Variants in CIROZ observed in about 807,000 individuals in gnomAD.
CIROZ encodes ciliated left-right organizer ZP-N domains-containing protein.
chr1:10,957,654 C>T, the CIROZ span: 29 of 1,614,054 alleles, frequency 1.8e-5, no homozygotes, highest in African/African-American at 2.7e-5. Context: ...GGGCTTTGGA[C>T]GGTGACAGTG....
chr1:10,982,055 C>T, the CIROZ span: 3 of 1,537,222 alleles, frequency 2.0e-6, no homozygotes, highest in South Asian at 1.2e-5. Flanking sequence ...CCCAGCAGCT[C>T]TCTCCTGCCC....
At chr1:10,953,426 C>T in the CIROZ span, among the ~76,000 whole-genome samples, 1 of 152,150 alleles carries the variant, frequency 6.6e-6, no homozygotes, top group Non-Finnish European at 1.5e-5. Context: ...CCAAAAACCC[C>T]ATCCCAGCAT....
At chr1:10,949,753 G>A in the CIROZ span, 1 of 1,584,602 alleles carries the variant, frequency 6.3e-7, no homozygotes, top group African/African-American at 1.3e-5. Flanking sequence ...CTGGTCCTGG[G>A]GATGGTGGGG....
At chr1:10,952,779 T>C in the CIROZ span, among the ~76,000 whole-genome samples, 22 of 152,244 alleles carry the variant, frequency 1.4e-4, no homozygotes, top group African/African-American at 5.3e-4. Flanking sequence ...CCCAAAGTGC[T>C]GGGATTATAG....
the CIROZ span, among the ~76,000 whole-genome samples, chr1:10,947,365 A>T: frequency 5.9e-5 from 9 of 152,206 alleles, no homozygotes; most frequent in Non-Finnish European, 1.3e-4. Context: ...GGGGAGGTCC[A>T]TGCAGGCAGA....
At chr1:10,948,671 C>T in the CIROZ span, 1 of 1,610,052 alleles carries the variant, frequency 6.2e-7, no homozygotes, top group Non-Finnish European at 8.5e-7. Context: ...CCTGGACACC[C>T]TCTACAGGCT....
chr1:10,952,238 G>T, the CIROZ span, among the ~76,000 whole-genome samples: 1 of 152,152 alleles, frequency 6.6e-6, no homozygotes, highest in Non-Finnish European at 1.5e-5. Flanking sequence ...TGCAGGGGAG[G>T]TGTGCTGGGA....
chr1:10,968,624 C>T, the CIROZ span, among the ~76,000 whole-genome samples: 28 of 152,172 alleles, frequency 1.8e-4, no homozygotes, highest in African/African-American at 6.5e-4. Context: ...ATTTGCCTGG[C>T]ACCCTGCTGC....
the CIROZ span, chr1:10,949,601 A>C: frequency 6.3e-7 from 1 of 1,586,918 alleles, no homozygotes; most frequent in African/African-American, 1.3e-5. Context: ...AACCATGGGC[A>C]GAGGATGCAG....
the CIROZ span, chr1:10,947,541 G>A: frequency 1.2e-6 from 1 of 831,804 alleles, no homozygotes; most frequent in Admixed American, 3.3e-5. Context: ...AGAGCACCGG[G>A]GCTTCCCTGG....
At chr1:10,976,933 G>C in the CIROZ span, among the ~76,000 whole-genome samples, 2 of 152,266 alleles carry the variant, frequency 1.3e-5, no homozygotes, top group Non-Finnish European at 2.9e-5. Context: ...AGGCAGCGGG[G>C]GATGGCTTGA....
At chr1:10,949,554 C>G in the CIROZ span, 1 of 1,531,290 alleles carries the variant, frequency 6.5e-7, no homozygotes, top group African/African-American at 1.4e-5. Flanking sequence ...CCAGCTGGGT[C>G]TACCGATACT....
chr1:10,966,437 C>T, the CIROZ span: 3 of 1,536,624 alleles, frequency 2.0e-6, no homozygotes, highest in South Asian at 1.2e-5. Flanking sequence ...GAAGTAGCCA[C>T]ATTTAGCAAG....
the CIROZ span, chr1:10,957,801 G>A: frequency 6.4e-7 from 1 of 1,574,648 alleles, no homozygotes; most frequent in East Asian, 2.3e-5. Flanking sequence ...GGGAGGCACG[G>A]TCACTAGGGG....
chr1:10,965,456 G>A, the CIROZ span, among the ~76,000 whole-genome samples: 21 of 152,318 alleles, frequency 1.4e-4, 2 homozygotes, highest in East Asian at 2.3e-3. Flanking sequence ...TGGCACAGTG[G>A]CTCATTCCTA....
At chr1:10,948,358 T>C in the CIROZ span, 4 of 1,613,548 alleles carry the variant, frequency 2.5e-6, no homozygotes, top group Non-Finnish European at 3.4e-6. Context: ...CGCCAGGGCC[T>C]CGCCAATGGC....
chr1:10,963,539 T>C, the CIROZ span, among the ~76,000 whole-genome samples: 1 of 151,688 alleles, frequency 6.6e-6, no homozygotes. Flanking sequence ...CCCTCCCCAC[T>C]CCCATCCAAA....
chr1:10,975,407 G>GAA, the CIROZ span, among the ~76,000 whole-genome samples: 735 of 78,336 alleles, frequency 9.4e-3, 18 homozygotes, highest in African/African-American at 0.018. Flanking sequence ...CTCTGTCTCA[G>GAA]AAAAAAAAAA....
the CIROZ span, chr1:10,946,529 C>T: frequency 6.6e-6 from 1 of 152,310 alleles, no homozygotes; most frequent in Non-Finnish European, 1.5e-5. Flanking sequence ...ACGGTCTCCT[C>T]TTCTTGGCTG....
Sources: gnomAD v4.1 joint callset for allele counts (sites outside exome capture counted in the v4.1 genomes callset) on GRCh38, gnomAD v4.1.1 for gene constraint, MANE v1.5 for transcripts, NCBI Gene and HGNC (gene_info 2026-07-23, HGNC 2026-07-21) for gene names.